The following FNDC3A variants were observed in gnomAD, a reference collection of about 807,000 sequenced individuals.
FNDC3A encodes fibronectin type III domain containing 3A.
A neutral mutation model predicts 148.9 loss-of-function variants in FNDC3A; 32 were observed. The ratio of observed to expected loss-of-function variants is 0.21; its 90% CI spans 0.16 to 0.29. The LOEUF is 0.29. Among genes scored for constraint, FNDC3A ranks in the 10% least tolerant of loss-of-function variants. FNDC3A has a pLI of 1.00. For synonymous variants in FNDC3A, 472 were observed against 473.6 expected (o/e 1.00, Z 0.04); for missense variants, 1,191 against 1,452.8 (o/e 0.82, Z 2.93).
rs143828300 is a variant in FNDC3A, at chr13:49,130,429, T to G, written c.253-708T>G. Among the ~76,000 whole-genome samples, 137 of 152,274 alleles carry G rather than the reference T, an allele frequency of 9.0e-4. 1 individual carries two copies. In the East Asian group the frequency reaches 0.019, roughly 21 times the overall value. On this transcript the variant is annotated intron_variant, in intron 4 of 25. Coordinates refer to ENST00000492622, the MANE Select transcript of FNDC3A (RefSeq NM_001079673.2). ...CTGATTGAGTCTGGATCCAGTTGTT[T>G]TGTTTTCTATTTGGTCTTTCCACAA... is the stretch of plus-strand genomic sequence containing the variant.
chr13:49,152,416 G>A (rs1172270523), intron 8 of FNDC3A, among the ~76,000 whole-genome samples: 1 of 151,896 alleles, frequency 6.6e-6, no homozygotes, highest in Non-Finnish European at 1.5e-5. Flanking sequence ...ACTTTTTCAT[G>A]GGGTTGATTT....
intron 7 of FNDC3A, among the ~76,000 whole-genome samples, chr13:49,143,466 T>C (rs1882804689): frequency 6.6e-6 from 1 of 152,196 alleles, no homozygotes; most frequent in African/African-American, 2.4e-5. Context: ...ATTCTGGAAG[T>C]CTGTTTAGTT....
intron 1 of FNDC3A, among the ~76,000 whole-genome samples, chr13:49,001,178 CT>C (rs1952118235): frequency 3.9e-5 from 6 of 152,144 alleles, no homozygotes; most frequent in Non-Finnish European, 7.4e-5. Context: ...CAAATTAATA[CT>C]TTTATAATTT....
Position 49,185,951 on chromosome 13 carries a change from G to T in FNDC3A, c.1618-13G>T, listed in dbSNP as rs766715696. 9.0e-5 allele frequency: 144 copies of T among 1,602,212 alleles called. 1 individual carries two copies. The highest frequency in any genetic ancestry group is 1.2e-4 in the Non-Finnish European group (141 of 1,171,202). On this transcript the variant is annotated splice_polypyrimidine_tract_variant and intron_variant, in intron 14 of 25. Coordinates refer to ENST00000492622, the MANE Select transcript of FNDC3A (RefSeq NM_001079673.2). ...CAAGTGTATTATTTAATGTCTTTCT[G>T]TTCTCATCACAGGTTATTGCTTACA...
At chr13:49,031,544 A>G (rs1421612300) in intron 2 of FNDC3A, among the ~76,000 whole-genome samples, 1 of 152,142 alleles carries the variant, frequency 6.6e-6, no homozygotes, top group African/African-American at 2.4e-5. Context: ...AAGAATGGTC[A>G]TTTCAACAAA....
At position 49,191,047 on chromosome 13, in the gene FNDC3A, T is replaced by C. The variant is rs1025232943; in HGVS notation, c.1977T>C (p.Ala659=). The change falls in exon 18 of 26, where the codon GCT becomes GCC. Residue 659 remains alanine, a synonymous_variant. Coordinates refer to ENST00000492622, the MANE Select transcript of FNDC3A (RefSeq NM_001079673.2). ...AATCTTTACTTGTGCAGACTCCAGC[T>C]GTGCCTCCTGGCCCATGCCTCCCTC... is the stretch of plus-strand genomic sequence containing the variant. The part of the protein sequence containing the change: ...VSESLLVQTP[A]VPPGPCLPPR... 3.1e-6 allele frequency: 5 copies of C among 1,613,868 alleles called. No homozygotes were observed. The highest frequency in any genetic ancestry group is 4.2e-6 in the Non-Finnish European group (5 of 1,180,012).
chr13:48,997,718 A>C (rs1952048525), intron 1 of FNDC3A, among the ~76,000 whole-genome samples: 1 of 152,156 alleles, frequency 6.6e-6, no homozygotes, highest in South Asian at 2.1e-4. Flanking sequence ...GTAACTGTTA[A>C]AAATTATGTC....
At chr13:49,139,790 C>T (rs1882588665) in intron 7 of FNDC3A, among the ~76,000 whole-genome samples, 1 of 152,150 alleles carries the variant, frequency 6.6e-6, no homozygotes, top group South Asian at 2.1e-4. Flanking sequence ...TGCACATGTG[C>T]ATTATTTAAT....
intron 3 of FNDC3A, among the ~76,000 whole-genome samples, chr13:49,081,382 T>C (rs1878459665): frequency 6.6e-6 from 1 of 152,314 alleles, no homozygotes; most frequent in African/African-American, 2.4e-5. Flanking sequence ...AGCAAAAATA[T>C]TGATGATTAT....
At chr13:49,199,107 G>C (rs1459102342) in intron 23 of FNDC3A, among the ~76,000 whole-genome samples, 3 of 151,698 alleles carry the variant, frequency 2.0e-5, no homozygotes, top group Non-Finnish European at 4.4e-5. Context: ...TGCAACCTCT[G>C]CCTCCAGGGC....
intron 2 of FNDC3A, among the ~76,000 whole-genome samples, chr13:49,023,230 G>A (rs553869003): frequency 1.7e-3 from 260 of 151,912 alleles, no homozygotes; most frequent in African/African-American, 6.1e-3. Flanking sequence ...TAATAAAATT[G>A]TATTCTTATT....
At chr13:49,070,606 A>C (rs1442122377) in intron 2 of FNDC3A, among the ~76,000 whole-genome samples, 1 of 152,220 alleles carries the variant, frequency 6.6e-6, no homozygotes, top group African/African-American at 2.4e-5. Flanking sequence ...TTAAATACAT[A>C]ATAAAGTAGT....
At chr13:49,083,815 A>G (rs1310161801) in intron 3 of FNDC3A, among the ~76,000 whole-genome samples, 3 of 152,266 alleles carry the variant, frequency 2.0e-5, no homozygotes, top group Admixed American at 1.3e-4. Context: ...ATATGTGTTC[A>G]TACCCTGGTT....
chr13:49,178,425 G>C (rs981569146), intron 13 of FNDC3A, 143 bp from the exon 14 acceptor site: 1 of 586,580 alleles, frequency 1.7e-6, no homozygotes, highest in Admixed American at 3.8e-5. Context: ...GAAGCATCGA[G>C]GTGAGGATTC....
At chr13:48,995,835 A>T (rs1952013864) in intron 1 of FNDC3A, among the ~76,000 whole-genome samples, 1 of 152,188 alleles carries the variant, frequency 6.6e-6, no homozygotes, top group Admixed American at 6.5e-5. Flanking sequence ...ATAAGAAATG[A>T]TAGGATAGTT....
chr13:49,099,713 C>T lies in FNDC3A; in HGVS notation c.176-14942C>T, dbSNP rs148265701. On this transcript the variant is annotated intron_variant, in intron 3 of 25. Coordinates refer to ENST00000492622, the MANE Select transcript of FNDC3A (RefSeq NM_001079673.2). ...GAAACATGCAGAAGAAAAATAAAGA[C>T]GATTCAGTGAGATTTGTAAAAATAT... 2.2e-3 allele frequency among the ~76,000 whole-genome samples: 334 copies of T among 151,888 alleles called. 3 individuals are homozygous for T. Among genetic ancestry groups the T allele is most frequent in the African/African-American group, 7.6e-3 (313 of 41,440 alleles).
intron 1 of FNDC3A, among the ~76,000 whole-genome samples, chr13:48,986,469 C>T (rs915638892): frequency 2.3e-4 from 30 of 127,996 alleles, no homozygotes; most frequent in African/African-American, 8.8e-4. Flanking sequence ...GATCTCGGCT[C>T]ACTGCAACCT....
intron 4 of FNDC3A, among the ~76,000 whole-genome samples, chr13:49,124,830 G>T (rs1004040787): frequency 3.3e-5 from 5 of 152,138 alleles, no homozygotes; most frequent in Non-Finnish European, 5.9e-5. Flanking sequence ...CTGGCAAATA[G>T]TACTAACTTA....
intron 8 of FNDC3A, among the ~76,000 whole-genome samples, chr13:49,155,216 G>A (rs1883580936): frequency 6.6e-6 from 1 of 152,090 alleles, no homozygotes; most frequent in Non-Finnish European, 1.5e-5. Context: ...GGTCTATTCA[G>A]GGATTCACCT....
Sources: gnomAD v4.1 joint callset for allele counts (sites outside exome capture counted in the v4.1 genomes callset) on GRCh38, gnomAD v4.1.1 for gene constraint, MANE v1.5 for transcripts, NCBI Gene and HGNC (gene_info 2026-07-23, HGNC 2026-07-21) for gene names.